DAPK2: variants seen among roughly 807,000 people sequenced by gnomAD.
DAPK2 encodes the protein death-associated protein kinase 2.
DAPK2 carries 35 observed loss-of-function variants against 44.1 expected under a neutral mutation model. The ratio of observed to expected loss-of-function variants is 0.79; its 90% confidence interval spans 0.61 to 1.05. DAPK2 has a LOEUF of 1.05. Ranked by LOEUF, DAPK2 falls within the 50% of genes least tolerant of loss-of-function variation. DAPK2 has a pLI of 0.00. For synonymous variants in DAPK2, 174 were observed against 182.6 expected, an observed-to-expected ratio of 0.95 and a Z score of 0.38; for missense variants, 453 against 483.2, an observed-to-expected ratio of 0.94 and a Z score of 0.59.
intron 1 of DAPK2, among the ~76,000 whole-genome samples, chr15:63,995,905 C>T (rs915399865): frequency 6.6e-6 from 1 of 152,216 alleles, no homozygotes; most frequent in Non-Finnish European, 1.5e-5. Context: ...GTGTAGTGTC[C>T]TTTACAGTAG....
At chr15:64,006,460 G>A (rs182557681) in intron 1 of DAPK2, among the ~76,000 whole-genome samples, 185 of 152,150 alleles carry the variant, frequency 1.2e-3, no homozygotes, top group African/African-American at 4.3e-3. Flanking sequence ...AGCTAAGGAC[G>A]TACAACATCG....
At chr15:63,913,603 T>A (rs2078852075) in intron 8 of DAPK2, among the ~76,000 whole-genome samples, 1 of 152,164 alleles carries the variant, frequency 6.6e-6, no homozygotes, top group Non-Finnish European at 1.5e-5. Flanking sequence ...GCGTGGGTCT[T>A]GTCTCCTAAC....
intron 3 of DAPK2, among the ~76,000 whole-genome samples, chr15:63,967,185 A>C (rs1270606817): frequency 6.6e-6 from 1 of 151,682 alleles, no homozygotes; most frequent in Non-Finnish European, 1.5e-5. Context: ...GTCTCAAAAA[A>C]ATAAATAAAT....
intron 2 of DAPK2, among the ~76,000 whole-genome samples, chr15:63,977,812 A>G (rs1405822891): frequency 6.6e-6 from 1 of 152,202 alleles, no homozygotes; most frequent in African/African-American, 2.4e-5. Flanking sequence ...TCACACAGCT[A>G]GTAAGTGGCA....
intron 1 of DAPK2, among the ~76,000 whole-genome samples, chr15:64,026,553 A>G (rs890294364): frequency 1.1e-4 from 17 of 152,074 alleles, no homozygotes; most frequent in African/African-American, 3.9e-4. Context: ...CTGATAGGGT[A>G]CCTCTTAAGC....
chr15:64,019,124 G>A (rs1410563381), intron 1 of DAPK2, among the ~76,000 whole-genome samples: 42 of 152,132 alleles, frequency 2.8e-4, no homozygotes, highest in Non-Finnish European at 1.5e-5. Context: ...CTGAAGTCTA[G>A]TCAATCCTCC....
In DAPK2 at chr15:63,939,383, A is replaced by C. The variant is rs1595759453; in HGVS notation, c.454-22T>G. 4 of 1,566,350 alleles carry C rather than the reference A, an allele frequency of 2.6e-6. No homozygotes were observed. In the African/African-American group the frequency reaches 4.2e-5, roughly 16 times the overall value. On this transcript the variant is annotated intron_variant, in intron 3 of 10. Coordinates refer to ENST00000261891, the Ensembl canonical transcript of DAPK2. The surrounding 1 kb of genome is among the most constrained non-coding windows in gnomAD (Gnocchi z 4.3). ...CTGGCTGGACAACAAAAAGTAGAAA[A>C]AAAAAAAAGGAAGGAAGAAAAGAAA...
intron 1 of DAPK2, among the ~76,000 whole-genome samples, chr15:64,021,165 C>T (rs2079671051): frequency 6.6e-6 from 1 of 152,206 alleles, no homozygotes; most frequent in African/African-American, 2.4e-5. Flanking sequence ...CTGGCATCTT[C>T]TCCTGGAAGT....
In DAPK2 at chr15:64,046,320, GT is replaced by G. The variant is rs2080462410; in HGVS notation, c.-30del. ...CACGGCGGGAGGCTGAGCTGCCGCGGTCGCGGCCGCGGCAGGCGCGGCGGGA... is the reference window on the plus strand; with the variant it reads ...CACGGCGGGAGGCTGAGCTGCCGCGGCGCGGCCGCGGCAGGCGCGGCGGGA... On this transcript the variant is annotated 5_prime_UTR_variant, in exon 1 of 12. Coordinates refer to the DAPK2 transcript ENST00000457488. This position sits in a 1 kb window ranked among gnomAD's most constrained non-coding sequence, Gnocchi z 5.3. The G allele has an allele frequency of 1.0e-6, 1 of 974,716 alleles. No homozygotes were observed. Among genetic ancestry groups the G allele is most frequent in the Admixed American group, 6.3e-5 (1 of 15,954 alleles). The allele number at this position is 974,716 out of a possible 1,614,324, so 60.4% of individuals were successfully genotyped here.
chr15:63,960,984 G>A (rs564694912), intron 3 of DAPK2, among the ~76,000 whole-genome samples: 1 of 152,292 alleles, frequency 6.6e-6, no homozygotes, highest in South Asian at 2.1e-4. Context: ...GGGAATCTAA[G>A]TCTCTTTGTA....
At chr15:63,921,401 T>C (rs1417109741) in intron 8 of DAPK2, 1 of 152,272 alleles carries the variant, frequency 6.6e-6, no homozygotes, top group Non-Finnish European at 1.5e-5. Flanking sequence ...TATCGTTTAG[T>C]CTGCCTCTAA....
At chr15:64,040,396 C>G, upstream of DAPK2, 1 of 684,438 alleles carries the variant, frequency 1.5e-6, no homozygotes, top group East Asian at 2.7e-5. Context: ...CTTGGTTCTT[C>G]AAGAACTGCC....
chr15:64,002,553 C>G (rs796103205), intron 1 of DAPK2, among the ~76,000 whole-genome samples: 1 of 152,188 alleles, frequency 6.6e-6, no homozygotes, highest in African/African-American at 2.4e-5. Flanking sequence ...AGAACACATA[C>G]TAAACTCTCC....
intron 1 of DAPK2, among the ~76,000 whole-genome samples, chr15:64,012,663 T>C (rs900319076): frequency 2.0e-5 from 3 of 152,228 alleles, no homozygotes; most frequent in Non-Finnish European, 4.4e-5. Context: ...CATCTGTGTA[T>C]ATAGTCTGTT....
chr15:63,990,387 C>T lies in DAPK2; in HGVS notation c.93-6633G>A, dbSNP rs1190479091. Among the ~76,000 whole-genome samples the T allele has an allele frequency of 1.3e-5, 2 of 150,336 alleles. No individual in the cohort carries two copies. The highest frequency in any genetic ancestry group is 6.6e-5 in the Admixed American group (1 of 15,064). ...AGGTTGCAGTGAGCTGAGATCGCAC[C>T]GCTGCACTCCAGCCTGGGTGACAGA... On this transcript the variant is annotated intron_variant, in intron 1 of 10. Transcript: ENST00000261891. The surrounding 1 kb of genome is among the most constrained non-coding windows in gnomAD (Gnocchi z 4.3).
intron 1 of DAPK2, among the ~76,000 whole-genome samples, chr15:63,992,829 A>G (rs1014005628): frequency 1.3e-5 from 2 of 152,198 alleles, no homozygotes; most frequent in Non-Finnish European, 2.9e-5. Context: ...TGTTTAACAA[A>G]AGAACTTCAA....
intron 3 of DAPK2, chr15:63,942,305 C>T (rs2140467452): frequency 5.2e-6 from 5 of 966,472 alleles, no homozygotes; most frequent in East Asian, 1.1e-4. Flanking sequence ...AATCCTAGCA[C>T]TTTGGGAGGC....
At chr15:63,910,688 C>A (rs7161953) in intron 10 of DAPK2, 109,156 of 152,196 alleles carry the variant, frequency 0.72, 39,965 homozygotes, top group East Asian at 0.99. Context: ...CTATAGGTGC[C>A]TGTCACCATA....
At chr15:63,941,859 G>A (rs2077318711) in intron 3 of DAPK2, among the ~76,000 whole-genome samples, 1 of 152,150 alleles carries the variant, frequency 6.6e-6, no homozygotes, top group South Asian at 2.1e-4. Flanking sequence ...CCCCTGACCA[G>A]CCCACTGGGG....
Sources: allele counts gnomAD v4.1 joint callset (sites outside exome capture counted in the v4.1 genomes callset), GRCh38; gene constraint gnomAD v4.1.1; non-coding constraint Gnocchi (gnomAD v3.1); transcripts MANE v1.5; gene names NCBI Gene and HGNC (gene_info 2026-07-23, HGNC 2026-07-21).